LRFN5: variants seen among roughly 807,000 people sequenced by gnomAD.
LRFN5 encodes leucine-rich repeat and fibronectin type-III domain-containing protein 5.
In LRFN5, 24 loss-of-function variants were observed where a neutral mutation model predicts 45.6. The observed-to-expected ratio is 0.53, with a 90% confidence interval of 0.38 to 0.74. The LOEUF (loss-of-function observed/expected upper bound fraction) is 0.74. LRFN5 is among the 30% of genes least tolerant of loss of function. The pLI is 0.00. For synonymous variants in LRFN5, 340 were observed against 313.8 expected, an observed-to-expected ratio of 1.08 and a Z score of -0.88; for missense variants, 776 against 861.5, an observed-to-expected ratio of 0.90 and a Z score of 1.24.
At chr14:41,639,360 AC>A (rs1879458166) in intron 1 of LRFN5, among the ~76,000 whole-genome samples, 1 of 152,140 alleles carries the variant, frequency 6.6e-6, no homozygotes, top group South Asian at 2.1e-4. Context: ...TTATTGATTG[AC>A]CAAAAAGAAG....
intron 3 of LRFN5, among the ~76,000 whole-genome samples, chr14:41,889,247 A>C (rs1021226402): frequency 9.9e-5 from 15 of 151,604 alleles, no homozygotes; most frequent in African/African-American, 3.4e-4. Flanking sequence ...TTTTTAAAGC[A>C]TGGACTAATA....
At chr14:41,884,788 A>G (rs1890506886) in intron 2 of LRFN5, among the ~76,000 whole-genome samples, 1 of 152,126 alleles carries the variant, frequency 6.6e-6, no homozygotes, top group Non-Finnish European at 1.5e-5. Flanking sequence ...ACAAGGAATG[A>G]ATCTCCGGAT....
intron 1 of LRFN5, among the ~76,000 whole-genome samples, chr14:41,738,217 A>G (rs1210422988): frequency 6.6e-6 from 1 of 152,208 alleles, no homozygotes; most frequent in African/African-American, 2.4e-5. Context: ...CTGACCTTTG[A>G]CAAACCTGAC....
chr14:41,800,783 A>G (rs1312907173), intron 2 of LRFN5, among the ~76,000 whole-genome samples: 3 of 151,922 alleles, frequency 2.0e-5, no homozygotes, highest in Admixed American at 6.6e-5. Flanking sequence ...TGGAGAAAAA[A>G]AAAACACTGC....
At chr14:41,610,683 A>AAAAAAAAAAAAAT (rs1887720009) in intron 1 of LRFN5, among the ~76,000 whole-genome samples, 1 of 144,660 alleles carries the variant, frequency 6.9e-6, no homozygotes, top group African/African-American at 2.5e-5. Flanking sequence ...AAAAAAAAAA[A>AAAAAAAAAAAAAT]GTGTATTGCC....
intron 1 of LRFN5, among the ~76,000 whole-genome samples, chr14:41,657,999 A>G (rs1362692290): frequency 1.3e-5 from 2 of 151,794 alleles, no homozygotes; most frequent in Non-Finnish European, 2.9e-5. Context: ...TGTGTATTCT[A>G]CCTGTTTACA....
intron 2 of LRFN5, among the ~76,000 whole-genome samples, chr14:41,861,316 T>C (rs1478978005): frequency 1.3e-5 from 2 of 152,222 alleles, no homozygotes; most frequent in East Asian, 3.8e-4. Context: ...TTATTCGTTG[T>C]TTCTTTGCTT....
intron 2 of LRFN5, among the ~76,000 whole-genome samples, chr14:41,782,198 A>C (rs1886553104): frequency 6.6e-6 from 1 of 151,270 alleles, no homozygotes; most frequent in Non-Finnish European, 1.5e-5. Context: ...AAGACCTTGG[A>C]TATTCCGTTT....
chr14:41,802,571 G>C (rs1887372760), intron 2 of LRFN5, among the ~76,000 whole-genome samples: 2 of 152,114 alleles, frequency 1.3e-5, no homozygotes, highest in Admixed American at 6.6e-5. Context: ...AAAATGTTTT[G>C]TCAAGGAAAG....
chr14:41,844,676 AGCATTT>A (rs2139062275), intron 2 of LRFN5, among the ~76,000 whole-genome samples: 1 of 152,268 alleles, frequency 6.6e-6, no homozygotes, highest in Admixed American at 6.5e-5. Context: ...CTTGATTTGT[AGCATTT>A]GCCAATGTTT....
At chr14:41,654,607 A>G (rs1217940093) in intron 1 of LRFN5, among the ~76,000 whole-genome samples, 11 of 152,088 alleles carry the variant, frequency 7.2e-5, no homozygotes, top group Non-Finnish European at 1.6e-4. Context: ...AATCCTGAGT[A>G]TAGGGACTAG....
intron 4 of LRFN5, 65 bp downstream of exon 4, chr14:41,892,027 A>G: frequency 1.3e-6 from 2 of 1,558,260 alleles, no homozygotes; most frequent in Non-Finnish European, 1.7e-6. Context: ...TCAATGGAGA[A>G]TTAAAGGAAT....
At chr14:41,805,997 T>A (rs1887513273) in intron 2 of LRFN5, among the ~76,000 whole-genome samples, 1 of 152,144 alleles carries the variant, frequency 6.6e-6, no homozygotes, top group South Asian at 2.1e-4. Flanking sequence ...AGTTGCAAAT[T>A]TCCCCCACAA....
At chr14:41,903,473 A>G (rs1420197239) in intron 5 of LRFN5, among the ~76,000 whole-genome samples, 2 of 151,370 alleles carry the variant, frequency 1.3e-5, no homozygotes, top group African/African-American at 2.4e-5. Flanking sequence ...TCAAGAATAG[A>G]CTTCATTAGA....
chr14:41,695,545 TG>T (rs1246117004), intron 1 of LRFN5, among the ~76,000 whole-genome samples: 1 of 151,916 alleles, frequency 6.6e-6, no homozygotes, highest in Non-Finnish European at 1.5e-5. Context: ...GCTGGTGACT[TG>T]GAAGTTGAAG....
chr14:41,644,412 C>T (rs528454605), intron 1 of LRFN5, among the ~76,000 whole-genome samples: 1 of 152,274 alleles, frequency 6.6e-6, no homozygotes, highest in South Asian at 2.1e-4. Flanking sequence ...TTAAATCTAT[C>T]ATGCATTTAG....
At chr14:41,627,762 T>C (rs1888384205) in intron 1 of LRFN5, among the ~76,000 whole-genome samples, 1 of 152,212 alleles carries the variant, frequency 6.6e-6, no homozygotes, top group South Asian at 2.1e-4. Context: ...ATTATGTACA[T>C]GAGTAATTCT....
chr14:41,649,988 A>G (rs1880017169), intron 1 of LRFN5, among the ~76,000 whole-genome samples: 1 of 152,216 alleles, frequency 6.6e-6, no homozygotes, highest in South Asian at 2.1e-4. Flanking sequence ...CTCAAAGGCA[A>G]TAATAATTAA....
chr14:41,741,478 A>G (rs1316124292), intron 1 of LRFN5, among the ~76,000 whole-genome samples: 1 of 151,834 alleles, frequency 6.6e-6, no homozygotes, highest in Non-Finnish European at 1.5e-5. Context: ...GGTGTTGACA[A>G]AACTTTATAT....
Sources: gnomAD v4.1 joint callset for allele counts (sites outside exome capture counted in the v4.1 genomes callset) on GRCh38, gnomAD v4.1.1 for gene constraint, MANE v1.5 for transcripts, NCBI Gene and HGNC (gene_info 2026-07-23, HGNC 2026-07-21) for gene names.